PLD1: variants seen among roughly 807,000 people sequenced by gnomAD.
PLD1 encodes the protein phospholipase D1, also known as choline phosphatase 1.
PLD1 carries 112 observed loss-of-function variants against 137.1 expected under a neutral mutation model. The ratio of observed to expected loss-of-function variants is 0.82; its 90% CI spans 0.70 to 0.96. The LOEUF (loss-of-function observed/expected upper bound fraction) is 0.96, where lower values mean the gene tolerates loss of function less well. PLD1 is among the 40% of genes least tolerant of loss of function. The probability of loss-of-function intolerance (pLI) is 0.00; values close to 1 mark genes in which losing one functional copy is unlikely to be tolerated. For missense variants in PLD1, 1,321 were observed against 1,342.0 expected, an observed-to-expected ratio of 0.98 and a Z score of 0.24; for synonymous variants, 431 against 454.7, an observed-to-expected ratio of 0.95 and a Z score of 0.66.
rs150601739 is a variant in PLD1 at position 171,762,293 on chromosome 3, G to C, written c.-31-24211C>G. On this transcript the variant is annotated intron_variant, in intron 1 of 26. Coordinates refer to ENST00000351298, the MANE Select transcript of PLD1 (RefSeq NM_002662.5). ...CTTCTTCAGCCCTCAGTTAATCAAGGTTTGTCTACACATTTTATATCCAAA... is the reference window on the plus strand; with the variant it reads ...CTTCTTCAGCCCTCAGTTAATCAAGCTTTGTCTACACATTTTATATCCAAA... Among the ~76,000 whole-genome samples, 9 of 152,286 alleles carry C rather than the reference G, an allele frequency of 5.9e-5. No individual in the cohort carries two copies. In the East Asian group the frequency reaches 1.7e-3, roughly 29 times the overall value.
At chr3:171,671,639 T>G (rs1218277521) in intron 19 of PLD1, among the ~76,000 whole-genome samples, 1 of 152,172 alleles carries the variant, frequency 6.6e-6, no homozygotes, top group Non-Finnish European at 1.5e-5. Context: ...TGGAAACAGA[T>G]AAGAATGCAT....
At chr3:171,661,280 A>G (rs1290993352) in intron 20 of PLD1, among the ~76,000 whole-genome samples, 6 of 152,178 alleles carry the variant, frequency 3.9e-5, no homozygotes, top group Non-Finnish European at 8.8e-5. Flanking sequence ...CAGGGCTAGA[A>G]TGGTTTTCCT....
At chr3:171,668,751 T>C (rs1712422338) in intron 19 of PLD1, among the ~76,000 whole-genome samples, 1 of 152,204 alleles carries the variant, frequency 6.6e-6, no homozygotes, top group Non-Finnish European at 1.5e-5. Context: ...TAAAAAGGAT[T>C]GTTCCCATGT....
At chr3:171,736,976 T>C (rs537790800) in intron 3 of PLD1, among the ~76,000 whole-genome samples, 6 of 152,346 alleles carry the variant, frequency 3.9e-5, no homozygotes, top group African/African-American at 1.4e-4. Context: ...AAATATCACG[T>C]GAATGAGGAC....
intron 1 of PLD1, among the ~76,000 whole-genome samples, chr3:171,801,219 A>G (rs1258154329): frequency 6.6e-6 from 1 of 152,186 alleles, no homozygotes; most frequent in Non-Finnish European, 1.5e-5. Flanking sequence ...AGCACCAAAA[A>G]GACTCTGTGC....
chr3:171,699,936 C>T (rs1716093443), intron 11 of PLD1, 110 bp from the exon 12 acceptor site: 4 of 781,306 alleles, frequency 5.1e-6, no homozygotes, highest in South Asian at 1.5e-5. Flanking sequence ...TTATCATCCT[C>T]CATTGTGATG....
At chr3:171,804,619 C>T (rs1339533984) in intron 1 of PLD1, among the ~76,000 whole-genome samples, 1 of 152,182 alleles carries the variant, frequency 6.6e-6, no homozygotes, top group Non-Finnish European at 1.5e-5. Context: ...TCTAATATCA[C>T]ACTACATATA....
At chr3:171,647,461 T>C (rs953504054) in intron 21 of PLD1, among the ~76,000 whole-genome samples, 59 of 152,156 alleles carry the variant, frequency 3.9e-4, no homozygotes, top group African/African-American at 1.3e-3. Context: ...CTTTTTTTTT[T>C]ATTTTGAGAT....
At chr3:171,678,311 T>C (rs546316828) in intron 16 of PLD1, among the ~76,000 whole-genome samples, 28 of 152,300 alleles carry the variant, frequency 1.8e-4, no homozygotes, top group Non-Finnish European at 3.1e-4. Flanking sequence ...AATGAAGAAT[T>C]TGGCCTAGAT....
chr3:171,676,881 G>A (rs371401697), intron 17 of PLD1, 48 bp from the exon 18 acceptor site: 33 of 1,309,986 alleles, frequency 2.5e-5, no homozygotes, highest in Non-Finnish European at 3.4e-5. Flanking sequence ...TCAGTGTTGG[G>A]GCAAAGTCTC....
intron 1 of PLD1, among the ~76,000 whole-genome samples, chr3:171,769,305 T>C (rs1560293459): frequency 6.6e-6 from 1 of 152,224 alleles, no homozygotes; most frequent in African/African-American, 2.4e-5. Context: ...TGTAAGCTTT[T>C]AAAGACCTTT....
intron 16 of PLD1, among the ~76,000 whole-genome samples, chr3:171,680,785 C>T (rs962772286): frequency 6.6e-6 from 1 of 152,158 alleles, no homozygotes; most frequent in African/African-American, 2.4e-5. Context: ...CTCCTTTATT[C>T]TTCGCTGACT....
chr3:171,643,143 A>C, intron 22 of PLD1: 1 of 355,106 alleles, frequency 2.8e-6, no homozygotes. Context: ...TCAGAAAGAG[A>C]GGCTATTAAA....
rs1731822783 is a variant in PLD1 at position 171,601,425 on chromosome 3, TATTTACA to T, written c.*1646_*1652del. On this transcript the variant is annotated 3_prime_UTR_variant, in exon 27 of 27. Transcript: ENST00000351298. ...ACTTCTTTCATCAATAGCAAATTCT[TATTTACA>T]ATGGCTATAGAATGAAGTCATTTTA... The T allele has an allele frequency of 6.6e-6, 1 of 152,158 alleles. No individual in the cohort carries two copies. The highest frequency in any genetic ancestry group is 1.5e-5 in the Non-Finnish European group (1 of 68,042). The allele number at this position is 152,158 out of a possible 1,614,324, so 9.4% of individuals were successfully genotyped here. A position where few individuals can be genotyped will look rare whatever the true frequency, so the allele number is the denominator to read the frequency against.
chr3:171,799,145 C>T (rs1279543043), intron 1 of PLD1, among the ~76,000 whole-genome samples: 1 of 152,072 alleles, frequency 6.6e-6, no homozygotes, highest in African/African-American at 2.4e-5. Context: ...TCAAGACCAG[C>T]CTGACCAACA....
chr3:171,718,102 A>G (rs999737009), intron 8 of PLD1, among the ~76,000 whole-genome samples: 8 of 152,254 alleles, frequency 5.3e-5, no homozygotes, highest in African/African-American at 1.9e-4. Context: ...AAACACAATT[A>G]GAAATGACAA....
chr3:171,686,623 CA>C, intron 16 of PLD1, 61 bp downstream of exon 16: 1 of 834,672 alleles, frequency 1.2e-6, no homozygotes, highest in Non-Finnish European at 2.0e-6. Context: ...TATGCCCATG[CA>C]GCAGACAACA....
At chr3:171,650,372 G>T (rs1736624172) in intron 21 of PLD1, among the ~76,000 whole-genome samples, 1 of 152,204 alleles carries the variant, frequency 6.6e-6, no homozygotes, top group Non-Finnish European at 1.5e-5. Flanking sequence ...TGTGGCAGGA[G>T]CAGAGGAGAA....
intron 1 of PLD1, among the ~76,000 whole-genome samples, chr3:171,774,238 C>T (rs778256332): frequency 1.3e-5 from 2 of 152,136 alleles, no homozygotes; most frequent in Non-Finnish European, 2.9e-5. Context: ...AATGCAAGGG[C>T]GGGGGAGACA....
Sources: gnomAD v4.1 joint callset for allele counts (sites outside exome capture counted in the v4.1 genomes callset) on GRCh38, gnomAD v4.1.1 for gene constraint, MANE v1.5 for transcripts, NCBI Gene and HGNC (gene_info 2026-07-23, HGNC 2026-07-21) for gene names.